The following ARMC2 variants were observed in gnomAD, a reference collection of about 807,000 sequenced individuals.
The protein encoded by ARMC2 is armadillo repeat containing 2, also known as armadillo repeat-containing protein 2.
Under a neutral mutation model 90.3 loss-of-function variants are expected in ARMC2, and 67 were observed. The ratio of observed to expected loss-of-function variants is 0.74; its 90% CI spans 0.61 to 0.91. ARMC2 has a LOEUF of 0.91. Ranked by LOEUF, ARMC2 falls within the 40% of genes least tolerant of loss-of-function variation. The pLI is 0.00. For synonymous variants in ARMC2, 393 were observed against 393.0 expected (o/e 1.00, Z 0.00); for missense variants, 920 against 1,030.9 (o/e 0.89, Z 1.47).
At chr6:108,921,625 C>A (rs1774580173) in intron 10 of ARMC2, among the ~76,000 whole-genome samples, 1 of 152,202 alleles carries the variant, frequency 6.6e-6, no homozygotes, top group Non-Finnish European at 1.5e-5. Context: ...TGGGTTACCA[C>A]ACAGGCTCTG....
At chr6:108,864,083 T>C (rs901874313) in intron 3 of ARMC2, among the ~76,000 whole-genome samples, 4 of 152,092 alleles carry the variant, frequency 2.6e-5, no homozygotes, top group African/African-American at 9.7e-5. Context: ...CAAAGCAGTG[T>C]TTTTTCTTTC....
the ARMC2 span, among the ~76,000 whole-genome samples, chr6:109,028,703 T>G: frequency 6.6e-6 from 1 of 152,144 alleles, no homozygotes; most frequent in Non-Finnish European, 1.5e-5. Flanking sequence ...ACACATACCA[T>G]AGAAGCAAAG....
the ARMC2 span, chr6:109,009,668 C>A: frequency 1.7e-6 from 1 of 577,518 alleles, no homozygotes; most frequent in Non-Finnish European, 2.2e-6. Context: ...CGCAAAGCAC[C>A]GCCCCTCCGG....
chr6:108,908,029 T>C (rs1353891587), intron 8 of ARMC2, among the ~76,000 whole-genome samples: 1 of 152,238 alleles, frequency 6.6e-6, no homozygotes, highest in East Asian at 1.9e-4. Flanking sequence ...ATCTCCATTC[T>C]GCCATGTGTT....
the ARMC2 span, among the ~76,000 whole-genome samples, chr6:108,983,608 G>A: frequency 6.6e-6 from 1 of 152,152 alleles, no homozygotes; most frequent in Admixed American, 6.5e-5. Flanking sequence ...CTGTATGTTT[G>A]ACTTTGTGCC....
At chr6:108,966,735 G>A (rs931125883) in intron 17 of ARMC2, among the ~76,000 whole-genome samples, 9 of 152,034 alleles carry the variant, frequency 5.9e-5, no homozygotes, top group African/African-American at 9.7e-5. Context: ...TTCAGTTCTC[G>A]ATGGTGGTAG....
At chr6:109,041,779 A>C in the ARMC2 span, among the ~76,000 whole-genome samples, 3 of 152,204 alleles carry the variant, frequency 2.0e-5, no homozygotes, top group Non-Finnish European at 4.4e-5. Context: ...CTCTCTCAAC[A>C]ATTGCTAGAA....
intron 5 of ARMC2, among the ~76,000 whole-genome samples, chr6:108,876,642 G>A (rs1293330981): frequency 6.6e-6 from 1 of 152,182 alleles, no homozygotes; most frequent in Non-Finnish European, 1.5e-5. Flanking sequence ...CTTGAGTGAT[G>A]ACTGATCATT....
the ARMC2 span, among the ~76,000 whole-genome samples, chr6:109,040,747 G>T: frequency 6.6e-6 from 1 of 151,424 alleles, no homozygotes; most frequent in Admixed American, 6.6e-5. Context: ...CTGCCTCCTG[G>T]GTTCAAGCGA....
chr6:109,044,806 C>T, the ARMC2 span, among the ~76,000 whole-genome samples: 1 of 152,114 alleles, frequency 6.6e-6, no homozygotes, highest in African/African-American at 2.4e-5. Context: ...GGCAGATCAC[C>T]TGAGGTCAGG....
chr6:108,854,561 G>T, intron 2 of ARMC2, 76 bp downstream of exon 2: 1 of 1,411,676 alleles, frequency 7.1e-7, no homozygotes, highest in Non-Finnish European at 9.8e-7. Flanking sequence ...TCTACTTAAG[G>T]TTAGCTTTTA....
intron 7 of ARMC2, 46 bp downstream of exon 7, chr6:108,899,838 T>C: frequency 1.4e-6 from 2 of 1,408,664 alleles, no homozygotes; most frequent in Non-Finnish European, 2.0e-6. Context: ...GTTTTTTTTT[T>C]AAAAAATACC....
intron 12 of ARMC2, among the ~76,000 whole-genome samples, chr6:108,946,609 G>A: frequency 6.6e-6 from 1 of 152,204 alleles, no homozygotes; most frequent in East Asian, 1.9e-4. Flanking sequence ...TCCTGATTCA[G>A]CTCTCAGGCA....
At chr6:108,888,238 G>T (rs115927284) in intron 5 of ARMC2, among the ~76,000 whole-genome samples, 1 of 152,300 alleles carries the variant, frequency 6.6e-6, no homozygotes, top group Non-Finnish European at 1.5e-5. Flanking sequence ...CATCAGTGAT[G>T]ACCACAGCCA....
chr6:108,921,614 T>C (rs2062297214), intron 10 of ARMC2, among the ~76,000 whole-genome samples: 1 of 152,232 alleles, frequency 6.6e-6, no homozygotes, highest in Admixed American at 6.5e-5. Flanking sequence ...ATGAAACTTC[T>C]TGGGTTACCA....
intron 6 of ARMC2, among the ~76,000 whole-genome samples, chr6:108,895,912 A>G (rs2128458499): frequency 6.6e-6 from 1 of 152,340 alleles, no homozygotes; most frequent in South Asian, 2.1e-4. Context: ...GGGAAAGGAT[A>G]AAAATATGGC....
At chr6:108,874,034 G>T (rs1212995268) in intron 4 of ARMC2, among the ~76,000 whole-genome samples, 1 of 152,202 alleles carries the variant, frequency 6.6e-6, no homozygotes, top group East Asian at 1.9e-4. Flanking sequence ...GTCCTGTGTG[G>T]TAAGGCTGCT....
chr6:108,953,425 T>C, intron 13 of ARMC2, 74 bp downstream of exon 13: 3 of 1,425,704 alleles, frequency 2.1e-6, no homozygotes, highest in South Asian at 1.4e-5. Context: ...TCTGTGTCTG[T>C]GGTGTGATGA....
At chr6:108,882,839 A>G (rs1214354786) in intron 5 of ARMC2, among the ~76,000 whole-genome samples, 1 of 152,248 alleles carries the variant, frequency 6.6e-6, no homozygotes, top group Non-Finnish European at 1.5e-5. Context: ...AATATTCACA[A>G]CAACTCATGA....
Sources: gnomAD v4.1 joint callset for allele counts (sites outside exome capture counted in the v4.1 genomes callset) on GRCh38, gnomAD v4.1.1 for gene constraint, MANE v1.5 for transcripts, NCBI Gene and HGNC (gene_info 2026-07-23, HGNC 2026-07-21) for gene names.